The following HAPLN3 variants were observed in gnomAD, a reference collection of about 807,000 sequenced individuals.
HAPLN3 encodes the protein extracellular link domain containing, 1.
A neutral mutation model predicts 28.1 loss-of-function variants in HAPLN3; 28 were observed. The ratio of observed to expected loss-of-function variants is 1.00; its 90% CI spans 0.74 to 1.37. The LOEUF (loss-of-function observed/expected upper bound fraction) is 1.37. HAPLN3 is among the 40% of genes most tolerant of loss of function. HAPLN3 has a pLI of 0.00. For synonymous variants in HAPLN3, 211 were observed against 213.1 expected (o/e 0.99, Z 0.09); for missense variants, 513 against 504.6 (o/e 1.02, Z -0.16).
chr15:88,882,318 G>T (rs1897727333), intron 2 of HAPLN3, among the ~76,000 whole-genome samples: 3 of 152,184 alleles, frequency 2.0e-5, no homozygotes, highest in African/African-American at 7.2e-5. Context: ...TGGGTGGTTT[G>T]CTATGCATAA....
At position 88,887,356 on chromosome 15, in the gene HAPLN3, G is replaced by A. The variant is rs780431443; in HGVS notation, c.-47-11C>T. 8.9e-5 allele frequency: 142 copies of A among 1,602,036 alleles called. No homozygotes were observed. Among genetic ancestry groups the A allele is most frequent in the Non-Finnish European group, 1.1e-4 (124 of 1,174,576 alleles). On this transcript the variant is annotated splice_polypyrimidine_tract_variant and intron_variant, in intron 1 of 4. Transcript: ENST00000359595. ...GGGCCCCAGGGCAAACTGGGAAGGG[G>A]AGGAAAACAAGGCAATTAGAAAAGC...
In HAPLN3 at chr15:88,881,608, G is replaced by A. The variant is rs199739198; in HGVS notation, c.242C>T (p.Pro81Leu). ...CCACCATTTGACACGCACACGCCGCGGGGAGACCAGGGCCGGCTCGTAGCG... is the reference window on the plus strand; with the variant it reads ...CCACCATTTGACACGCACACGCCGCAGGGAGACCAGGGCCGGCTCGTAGCG... ...RYRYEPALVS[P>L]RRVRVKWWKL... Residue 81 changes from proline (P) to leucine (L), a missense_variant, in exon 3 of 5, where the codon CCG (proline) becomes CTG (leucine). Transcript: ENST00000359595. This position sits in a 1 kb window ranked among gnomAD's most constrained non-coding sequence, Gnocchi z 6.0. 44 of 1,613,996 alleles carry A rather than the reference G, an allele frequency of 2.7e-5. No homozygotes were observed. The highest frequency in any genetic ancestry group is 1.1e-4 in the South Asian group (10 of 91,064).
intron 2 of HAPLN3, among the ~76,000 whole-genome samples, chr15:88,883,084 C>A (rs1252329805): frequency 6.6e-6 from 1 of 152,230 alleles, no homozygotes; most frequent in Non-Finnish European, 1.5e-5. Flanking sequence ...AGGAGACAGA[C>A]AGGGAGGTTC....
Position 88,888,814 on chromosome 15 carries a change from G to A in HAPLN3, c.-47-1469C>T, listed in dbSNP as rs373860450. Among the ~76,000 whole-genome samples the A allele has an allele frequency of 2.2e-3, 333 of 152,302 alleles. 1 individual carries two copies. Among genetic ancestry groups the A allele is most frequent in the South Asian group, 3.5e-3 (17 of 4,830 alleles). ...TGCAGGAGTTTGCCAGGTGGAGAAGGACTGACAGGTTTATCCAGTAGGGCA... is the reference window on the plus strand; with the variant it reads ...TGCAGGAGTTTGCCAGGTGGAGAAGAACTGACAGGTTTATCCAGTAGGGCA... On this transcript the variant is annotated intron_variant, in intron 1 of 4. Transcript: ENST00000359595. This position sits in a 1 kb window ranked among gnomAD's most constrained non-coding sequence, Gnocchi z 4.1.
At position 88,888,011 on chromosome 15, in the gene HAPLN3, T is replaced by A. The variant is rs1425373471; in HGVS notation, c.-47-666A>T. 6.6e-6 allele frequency among the ~76,000 whole-genome samples: 1 copy of A among 151,958 alleles called. No individual in the cohort carries two copies. The highest frequency in any genetic ancestry group is 2.4e-5 in the African/African-American group (1 of 41,420). On this transcript the variant is annotated intron_variant, in intron 1 of 4. Transcript: ENST00000359595. This position sits in a 1 kb window ranked among gnomAD's most constrained non-coding sequence, Gnocchi z 4.1. ...AAGAAAAGAAAGGTATGAGCAGCAC[T>A]TTTTAATGACGCCAAATAAACTAGA...
At chr15:88,882,926 A>C (rs1170955210) in intron 2 of HAPLN3, among the ~76,000 whole-genome samples, 2 of 152,216 alleles carry the variant, frequency 1.3e-5, no homozygotes, top group Admixed American at 6.5e-5. Flanking sequence ...GTATTGTTTC[A>C]GCCCAGAAGT....
At chr15:88,890,881 C>T (rs1897993808) in intron 1 of HAPLN3, among the ~76,000 whole-genome samples, 1 of 111,596 alleles carries the variant, frequency 9.0e-6, no homozygotes, top group South Asian at 3.2e-4. Flanking sequence ...CACTTTTTTG[C>T]ATCTTTTTTT....
chr15:88,889,204 A>G (rs1897945122), intron 1 of HAPLN3, among the ~76,000 whole-genome samples: 2 of 152,006 alleles, frequency 1.3e-5, no homozygotes, highest in Admixed American at 6.6e-5. Flanking sequence ...CCTCCATTAA[A>G]GTCTCTTTAT....
intron 2 of HAPLN3, among the ~76,000 whole-genome samples, chr15:88,882,367 A>C (rs1270042336): frequency 6.6e-6 from 1 of 152,164 alleles, no homozygotes; most frequent in Non-Finnish European, 1.5e-5. Context: ...GCCACCCCAC[A>C]TGAGGTACAT....
At position 88,879,156 on chromosome 15, in the gene HAPLN3, G is replaced by A. The variant is rs771290441; in HGVS notation, c.607C>T (p.Arg203Trp). ...AVVASFEQLF[R>W]AWEEGLDWCN... is the part of the protein sequence containing the mutation. The stretch of plus-strand genomic sequence containing the variant: ...CAGTCCAGGCCCTCCTCCCAGGCCC[G>A]GAAGAGCTGCTCAAAGGAGGCCACC... The change falls in exon 4 of 5, where the codon CGG becomes TGG. Residue 203 changes from arginine to tryptophan, a missense_variant. By Grantham distance (101) the Arg-to-Trp change is moderately radical. Coordinates refer to ENST00000359595, the MANE Select transcript of HAPLN3 (RefSeq NM_178232.4). This position sits in a 1 kb window ranked among gnomAD's most constrained non-coding sequence, Gnocchi z 5.0. 63 of 1,613,650 alleles carry A rather than the reference G, an allele frequency of 3.9e-5. No homozygotes were observed. The highest frequency in any genetic ancestry group is 1.6e-4 in the Middle Eastern group (1 of 6,084).
intron 2 of HAPLN3, 128 bp downstream of exon 2, chr15:88,887,047 A>G (rs1897877517): frequency 9.8e-7 from 1 of 1,025,072 alleles, no homozygotes; most frequent in Admixed American, 1.8e-5. Flanking sequence ...AAGCTGGCCC[A>G]CTACAAGGGC....
rs551494543 is a variant in HAPLN3, at chr15:88,888,913, C to T, written c.-47-1568G>A. Among the ~76,000 whole-genome samples, 2 of 152,328 alleles carry T rather than the reference C, an allele frequency of 1.3e-5. No individual in the cohort carries two copies. Among genetic ancestry groups the T allele is most frequent in the African/African-American group, 2.4e-5 (1 of 41,580 alleles). ...TGCTGGGGGTATACAGGAGGTCCTC[C>T]ATTTGCCCCACACACCCACCAGGTC... On this transcript the variant is annotated intron_variant, in intron 1 of 4. Transcript: ENST00000359595. This position sits in a 1 kb window ranked among gnomAD's most constrained non-coding sequence, Gnocchi z 4.1.
rs112641107 is a variant in HAPLN3 at position 88,888,841 on chromosome 15, T to G, written c.-47-1496A>C. 2.1e-3 allele frequency among the ~76,000 whole-genome samples: 321 copies of G among 152,322 alleles called. 1 individual carries two copies. Among genetic ancestry groups the G allele is most frequent in the African/African-American group, 7.3e-3 (305 of 41,566 alleles). ...CTGACAGGTTTATCCAGTAGGGCAC[T>G]GCCACTACAAAGGTGCAGATGCCAG... On this transcript the variant is annotated intron_variant, in intron 1 of 4. Coordinates refer to ENST00000359595, the MANE Select transcript of HAPLN3 (RefSeq NM_178232.4). The surrounding 1 kb of genome is among the most constrained non-coding windows in gnomAD (Gnocchi z 4.1).
chr15:88,885,619 G>A (rs1188462096), intron 2 of HAPLN3, among the ~76,000 whole-genome samples: 19 of 152,040 alleles, frequency 1.2e-4, no homozygotes, highest in African/African-American at 4.1e-4. Context: ...CACCACGCCC[G>A]GCTACTTTTG....
At position 88,889,646 on chromosome 15, in the gene HAPLN3, C is replaced by A. The variant is rs973048700; in HGVS notation, c.-47-2301G>T. 5.3e-5 allele frequency among the ~76,000 whole-genome samples: 8 copies of A among 152,220 alleles called. No individual in the cohort carries two copies. The East Asian group carries it at 1.5e-3, about 29-fold the overall frequency. ...CCACCACACCTGGCCAGAAGTCTAT[C>A]CTTTGTCCTGGAGGCCAGTGATGGC... is the stretch of plus-strand genomic sequence containing the variant. On this transcript the variant is annotated intron_variant, in intron 1 of 4. Transcript: ENST00000359595.
chr15:88,887,342 C>A lies in HAPLN3; in HGVS notation c.-44G>T, dbSNP rs1178015945. ...CCCGGGCCAGGCTGGGGCCCCAGGG[C>A]AAACTGGGAAGGGGAGGAAAACAAG... On this transcript the variant is annotated 5_prime_UTR_variant, in exon 2 of 5. Coordinates refer to ENST00000359595, the MANE Select transcript of HAPLN3 (RefSeq NM_178232.4). 3 of 1,610,418 alleles carry A rather than the reference C, an allele frequency of 1.9e-6. No individual in the cohort carries two copies. Among genetic ancestry groups the A allele is most frequent in the East Asian group, 4.5e-5 (2 of 44,738 alleles).
In HAPLN3 at chr15:88,879,089, G is replaced by A. The variant is rs138635787; in HGVS notation, c.674C>T (p.Pro225Leu). The change falls in exon 4 of 5, where the codon CCC becomes CTC. Residue 225 changes from proline (P) to leucine (L), a missense_variant. Transcript: ENST00000359595. The surrounding 1 kb of genome is among the most constrained non-coding windows in gnomAD (Gnocchi z 5.0). Reference protein sequence around the residue: ...GWLQDATVQYPIMLPRQPCGG... With the variant: ...GWLQDATVQYLIMLPRQPCGG... ...GCAGGGCTGCCGGGGCAACATGATGGGGTACTGCACCGTGGCATCCTGCAG... is the reference window on the plus strand; with the variant it reads ...GCAGGGCTGCCGGGGCAACATGATGAGGTACTGCACCGTGGCATCCTGCAG... The A allele has an allele frequency of 5.8e-4, 939 of 1,610,764 alleles. 1 individual carries two copies. The highest frequency in any genetic ancestry group is 9.9e-4 in the Middle Eastern group (6 of 6,058).
intron 1 of HAPLN3, among the ~76,000 whole-genome samples, chr15:88,893,944 GTT>G (rs1898086105): frequency 1.2e-5 from 1 of 86,486 alleles, no homozygotes; most frequent in Admixed American, 1.1e-4. Flanking sequence ...AAAAAAAAAA[GTT>G]GGGGTGGGGG....
At chr15:88,884,359 T>A (rs569778531) in intron 2 of HAPLN3, among the ~76,000 whole-genome samples, 2 of 152,122 alleles carry the variant, frequency 1.3e-5, no homozygotes, top group South Asian at 4.1e-4. Flanking sequence ...GGTCAGGAGA[T>A]CGAGACCATC....
Sources: gnomAD v4.1 joint callset for allele counts (sites outside exome capture counted in the v4.1 genomes callset) on GRCh38, gnomAD v4.1.1 for gene constraint, Gnocchi (gnomAD v3.1) non-coding constraint, MANE v1.5 for transcripts, NCBI Gene and HGNC (gene_info 2026-07-23, HGNC 2026-07-21) for gene names.